Variants in LRCH4 observed in about 807,000 individuals in gnomAD.
The protein encoded by LRCH4 is leucine-rich repeat and calponin homology domain-containing protein 4.
Under a neutral mutation model 81.2 loss-of-function variants are expected in LRCH4, and 56 were observed. The observed-to-expected ratio is 0.69, with a 90% confidence interval of 0.56 to 0.86. The LOEUF (loss-of-function observed/expected upper bound fraction) is 0.86, where lower values mean the gene tolerates loss of function less well. Among genes scored for constraint, LRCH4 ranks in the 40% least tolerant of loss-of-function variants. The pLI is 0.00. For missense variants in LRCH4, 895 were observed against 922.8 expected, an observed-to-expected ratio of 0.97 and a Z score of 0.39; for synonymous variants, 442 against 409.7, an observed-to-expected ratio of 1.08 and a Z score of -0.95.
intron 1 of LRCH4, chr7:100,584,312 C>T (rs1441403884): frequency 2.2e-6 from 1 of 448,198 alleles, no homozygotes; most frequent in South Asian, 1.6e-5. Context: ...AGAACCTGGG[C>T]CCTGTGTAGA....
Position 100,582,855 on chromosome 7 carries a change from G to A in LRCH4, c.221-396C>T, listed in dbSNP as rs890061578. On this transcript the variant is annotated intron_variant, in intron 1 of 17. Transcript: ENST00000310300. This position sits in a 1 kb window ranked among gnomAD's most constrained non-coding sequence, Gnocchi z 5.0. ...GGAAAACAGTAAGGCGAGGGGCTGG[G>A]GGGCTCCCGGAGGGAAGATGGGAAA... 6.6e-6 allele frequency among the ~76,000 whole-genome samples: 1 copy of A among 152,168 alleles called. No homozygotes were observed. Among genetic ancestry groups the A allele is most frequent in the Non-Finnish European group, 1.5e-5 (1 of 68,024 alleles).
intron 14 of LRCH4, 154 bp from the exon 15 acceptor site, chr7:100,576,477 T>C (rs1374755251): frequency 1.2e-5 from 8 of 669,932 alleles, no homozygotes; most frequent in Non-Finnish European, 2.1e-5. Flanking sequence ...TTGCCCAGGC[T>C]GGTCTTGAAT....
At chr7:100,576,065 A>G (rs1327208286) in intron 15 of LRCH4, 57 bp from the exon 16 acceptor site, 3 of 1,558,750 alleles carry the variant, frequency 1.9e-6, no homozygotes, top group South Asian at 2.3e-5. Flanking sequence ...TCTGGGAGGC[A>G]GGGAGAGTGG....
chr7:100,581,946 TC>T, intron 3 of LRCH4, 64 bp from the exon 4 acceptor site: 2 of 1,608,908 alleles, frequency 1.2e-6, no homozygotes. Context: ...CACCCTCCCA[TC>T]TCTGTCTTTG....
chr7:100,585,850 C>T, intron 1 of LRCH4, 31 bp downstream of exon 1: 1 of 1,529,282 alleles, frequency 6.5e-7, no homozygotes, highest in African/African-American at 1.4e-5. Flanking sequence ...AATGAGGGAC[C>T]CGGTTGGGCC....
chr7:100,576,093 G>A (rs2131157738), intron 15 of LRCH4, 85 bp from the exon 16 acceptor site: 1 of 1,505,868 alleles, frequency 6.6e-7, no homozygotes, highest in East Asian at 2.3e-5. Context: ...AGGGCTAGCA[G>A]GGAACTTGTG....
chr7:100,576,268 A>G lies in LRCH4; in HGVS notation c.1608T>C (p.Asp536=). ...GCAGCTGAGTCATTAAGTCCTTCTC[A>G]TCTGGAACCTGGGGGTACCGCCGAG... The part of the protein sequence containing the change: ...LRPRRYPQVP[D]EKDLMTQLRQ... The change falls in exon 15 of 18, where the codon GAT becomes GAC. Residue 536 remains aspartate, a synonymous_variant. Coordinates refer to ENST00000310300, the MANE Select transcript of LRCH4 (RefSeq NM_002319.5). 2 of 1,614,066 alleles carry G rather than the reference A, an allele frequency of 1.2e-6. No homozygotes were observed. Among genetic ancestry groups the G allele is most frequent in the Non-Finnish European group, 1.7e-6 (2 of 1,179,996 alleles).
rs1262446618 is a variant in LRCH4 at position 100,574,915 on chromosome 7, T to C, written c.*192A>G. ...GAGAGGTGGGGACTCGTGGGGCTACTGGAGGGAGGCCAGAGGCTGGGGGCC... is the reference window on the plus strand; with the variant it reads ...GAGAGGTGGGGACTCGTGGGGCTACCGGAGGGAGGCCAGAGGCTGGGGGCC... On this transcript the variant is annotated 3_prime_UTR_variant, in exon 18 of 18. Coordinates refer to ENST00000310300, the MANE Select transcript of LRCH4 (RefSeq NM_002319.5). 3 of 570,712 alleles carry C rather than the reference T, an allele frequency of 5.3e-6. No individual in the cohort carries two copies. Among genetic ancestry groups the C allele is most frequent in the East Asian group, 2.9e-5 (1 of 34,538 alleles). The allele number at this position is 570,712 out of a possible 1,614,324, so 35.4% of individuals were successfully genotyped here. A position where few individuals can be genotyped will look rare whatever the true frequency, so the allele number is the denominator to read the frequency against.
At position 100,578,845 on chromosome 7, in the gene LRCH4, C is replaced by A; in HGVS notation, c.599-59G>T. ...ATGCTCAGGGCTGTGGCCTCGTGCT[C>A]ACTCCCTCACCCTTGGCTCCAGCTG... is the stretch of plus-strand genomic sequence containing the variant. On this transcript the variant is annotated intron_variant, in intron 4 of 17. Transcript: ENST00000310300. This position sits in a 1 kb window ranked among gnomAD's most constrained non-coding sequence, Gnocchi z 5.7. 6.4e-7 allele frequency: 1 copy of A among 1,572,854 alleles called. No homozygotes were observed. Among genetic ancestry groups the A allele is most frequent in the South Asian group, 1.2e-5 (1 of 84,598 alleles).
Position 100,576,308 on chromosome 7 carries a change from T to G in LRCH4, c.1568A>C (p.Asp523Ala), listed in dbSNP as rs755583792. 1 of 1,613,668 alleles carries G rather than the reference T, an allele frequency of 6.2e-7. No homozygotes were observed. Among genetic ancestry groups the G allele is most frequent in the Non-Finnish European group, 8.5e-7 (1 of 1,179,876 alleles). Residue 523 changes from aspartate to alanine, a missense_variant, in exon 15 of 18, where the codon GAC becomes GCC. By Grantham distance (126) the Asp-to-Ala change is moderately radical. Coordinates refer to ENST00000310300, the MANE Select transcript of LRCH4 (RefSeq NM_002319.5). ...GTACCGCCGAGGTCTCAGGACAGAG[T>G]CTGGTGAGGAAGGGCCTAGGAGAAA... ...SQSGSGPSSP[D>A]SVLRPRRYPQ...
Position 100,585,825 on chromosome 7 carries a change from G to C in LRCH4, c.220+56C>G, listed in dbSNP as rs572675830. 3 of 1,476,834 alleles carry C rather than the reference G, an allele frequency of 2.0e-6. No individual in the cohort carries two copies. In the East Asian group the frequency reaches 7.7e-5, roughly 38 times the overall value. 91.5% of individuals were successfully genotyped at this position (1,476,834 alleles called of 1,614,324 possible). ...CGACTCCCGGGCCGGGCGGGGCCCG[G>C]GGTGGGGCTATGCAAATGAGGGACC... On this transcript the variant is annotated intron_variant, in intron 1 of 17. Coordinates refer to ENST00000310300, the MANE Select transcript of LRCH4 (RefSeq NM_002319.5).
chr7:100,583,650 G>A lies in LRCH4; in HGVS notation c.221-1191C>T, dbSNP rs1311812465. 1.3e-5 allele frequency among the ~76,000 whole-genome samples: 2 copies of A among 152,234 alleles called. No homozygotes were observed. Among genetic ancestry groups the A allele is most frequent in the African/African-American group, 4.8e-5 (2 of 41,458 alleles). Reference sequence around the variant, plus strand: ...GCTCTGGTAGGCCCCGTGTTTACCAGGGTGGATGACAGCCTGATGCCCCGG... The same window carrying A: ...GCTCTGGTAGGCCCCGTGTTTACCAAGGTGGATGACAGCCTGATGCCCCGG... On this transcript the variant is annotated intron_variant, in intron 1 of 17. Transcript: ENST00000310300. The surrounding 1 kb of genome is among the most constrained non-coding windows in gnomAD (Gnocchi z 4.3).
rs1475274425 is a variant in LRCH4, at chr7:100,583,013, C to T, written c.221-554G>A. Among the ~76,000 whole-genome samples, 5 of 152,154 alleles carry T rather than the reference C, an allele frequency of 3.3e-5. No individual in the cohort carries two copies. In the East Asian group the frequency reaches 7.7e-4, roughly 23 times the overall value. ...TAGAGATAAAGTCCCCGACACCGGA[C>T]GAGTTTTTCGCCAGCCCCAAGGACC... On this transcript the variant is annotated intron_variant, in intron 1 of 17. Transcript: ENST00000310300. The surrounding 1 kb of genome is among the most constrained non-coding windows in gnomAD (Gnocchi z 4.3).
At chr7:100,581,487 C>A (rs1403671645) in intron 4 of LRCH4, 2 of 343,800 alleles carry the variant, frequency 5.8e-6, no homozygotes, top group Non-Finnish European at 1.1e-5. Context: ...GAGGGTGGAG[C>A]CCTCATCAGT....
Position 100,575,876 on chromosome 7 carries a change from C to A in LRCH4, c.1771G>T (p.Ala591Ser). The A allele has an allele frequency of 6.2e-7, 1 of 1,613,584 alleles. No individual in the cohort carries two copies. Among genetic ancestry groups the A allele is most frequent in the Non-Finnish European group, 8.5e-7 (1 of 1,179,752 alleles). ...SVPFIHVPSP[A>S]VPKLSALKAR... ...CTTCCCCAGCCCCAACTGACCACAGCAGGGGAGGGCACATGGATGAAGGGC... is the reference window on the plus strand; with the variant it reads ...CTTCCCCAGCCCCAACTGACCACAGAAGGGGAGGGCACATGGATGAAGGGC... Residue 591 changes from alanine to serine, a missense_variant, in exon 16 of 18, where the codon GCT becomes TCT. Physicochemically the swap from Ala to Ser is moderately conservative, Grantham distance 99. Around this residue, in one of 3 missense-constraint regions of LRCH4, gnomAD observed 529 missense variants for 504.9 expected, o/e 1.05. Coordinates refer to ENST00000310300, the MANE Select transcript of LRCH4 (RefSeq NM_002319.5). The surrounding 1 kb of genome is among the most constrained non-coding windows in gnomAD (Gnocchi z 5.3).
intron 4 of LRCH4, 96 bp downstream of exon 4, chr7:100,581,681 A>G (rs1217749581): frequency 1.2e-5 from 12 of 1,007,998 alleles, no homozygotes; most frequent in Admixed American, 2.0e-5. Context: ...CCTGCCATGT[A>G]TAAGCTACCC....
rs890575018 is a variant in LRCH4, at chr7:100,578,419, C to T, written c.828G>A (p.Arg276=). Residue 276 remains arginine, a synonymous_variant, in exon 6 of 18, where the codon CGG becomes CGA. Transcript: ENST00000310300. The surrounding 1 kb of genome is among the most constrained non-coding windows in gnomAD (Gnocchi z 5.7). ...CTTACCAGGGACTGAAACTCGGGGGCCGAGAAGGGGCCAGGTCCCCCAGGG... is the reference window on the plus strand; with the variant it reads ...CTTACCAGGGACTGAAACTCGGGGGTCGAGAAGGGGCCAGGTCCCCCAGGG... ...GSALGDLAPS[R]PPSFSPCPAE... The T allele has an allele frequency of 6.2e-7, 1 of 1,613,726 alleles. No individual in the cohort carries two copies. The highest frequency in any genetic ancestry group is 1.3e-5 in the African/African-American group (1 of 74,942).
chr7:100,578,857 C>T lies in LRCH4; in HGVS notation c.599-71G>A. On this transcript the variant is annotated intron_variant, in intron 4 of 17. Coordinates refer to ENST00000310300, the MANE Select transcript of LRCH4 (RefSeq NM_002319.5). The surrounding 1 kb of genome is among the most constrained non-coding windows in gnomAD (Gnocchi z 5.7). ...GTGGCCTCGTGCTCACTCCCTCACCCTTGGCTCCAGCTGGCCAGTCACCCT... is the reference window on the plus strand; with the variant it reads ...GTGGCCTCGTGCTCACTCCCTCACCTTTGGCTCCAGCTGGCCAGTCACCCT... The T allele has an allele frequency of 1.9e-6, 3 of 1,543,450 alleles. No homozygotes were observed. Among genetic ancestry groups the T allele is most frequent in the Non-Finnish European group, 2.6e-6 (3 of 1,137,788 alleles).
chr7:100,575,335 C>T lies in LRCH4; in HGVS notation c.1855-31G>A, dbSNP rs745536126. 3.3e-6 allele frequency: 5 copies of T among 1,513,638 alleles called. No homozygotes were observed. The highest frequency in any genetic ancestry group is 4.4e-6 in the Non-Finnish European group (5 of 1,123,720). 93.8% of individuals were successfully genotyped at this position (1,513,638 alleles called of 1,614,324 possible). On this transcript the variant is annotated intron_variant, in intron 17 of 17. Coordinates refer to ENST00000310300, the MANE Select transcript of LRCH4 (RefSeq NM_002319.5). The surrounding 1 kb of genome is among the most constrained non-coding windows in gnomAD (Gnocchi z 5.3). ...GGAGAGGAGAGCAGGTGGACAAGGA[C>T]AAGGGACAGACGTCAGCAGCAGCAG...
Sources: gnomAD v4.1 joint callset for allele counts (sites outside exome capture counted in the v4.1 genomes callset) on GRCh38, gnomAD v4.1.1 for gene constraint, gnomAD v4.1.1 regional missense constraint, Gnocchi (gnomAD v3.1) non-coding constraint, MANE v1.5 for transcripts, NCBI Gene and HGNC (gene_info 2026-07-23, HGNC 2026-07-21) for gene names.